The following FAM135B variants were observed in gnomAD, a reference collection of about 807,000 sequenced individuals.
The protein encoded by FAM135B is protein FAM135B.
A neutral mutation model predicts 127.7 loss-of-function variants in FAM135B; 43 were observed. The ratio of observed to expected loss-of-function variants is 0.34; its 90% CI spans 0.26 to 0.43. The LOEUF (loss-of-function observed/expected upper bound fraction) is 0.43. Ranked by LOEUF, FAM135B falls within the 20% of genes least tolerant of loss-of-function variation. The probability of loss-of-function intolerance (pLI) is 1.00; values close to 1 mark genes in which losing one functional copy is unlikely to be tolerated. For synonymous variants in FAM135B, 670 were observed against 665.1 expected (o/e 1.01, Z -0.11); for missense variants, 1,558 against 1,725.6 (o/e 0.90, Z 1.72).
At chr8:138,313,916 C>T (rs911399096) in intron 2 of FAM135B, among the ~76,000 whole-genome samples, 5 of 151,280 alleles carry the variant, frequency 3.3e-5, no homozygotes, top group African/African-American at 4.9e-5. Context: ...TTCTGACACT[C>T]GGGTGCCCAA....
At chr8:138,185,228 A>G (rs1276217382) in intron 9 of FAM135B, among the ~76,000 whole-genome samples, 1 of 152,236 alleles carries the variant, frequency 6.6e-6, no homozygotes. Flanking sequence ...CATGGAGCAC[A>G]CATGTAACAT....
chr8:138,239,314 T>C (rs1163832416), intron 7 of FAM135B, among the ~76,000 whole-genome samples: 1 of 152,258 alleles, frequency 6.6e-6, no homozygotes, highest in Middle Eastern at 3.2e-3. Flanking sequence ...TGGCCAGTGA[T>C]GATGAGCATT....
intron 12 of FAM135B, among the ~76,000 whole-genome samples, chr8:138,153,898 C>A (rs1818432007): frequency 6.6e-6 from 1 of 152,200 alleles, no homozygotes; most frequent in Admixed American, 6.5e-5. Context: ...GAAACTTCTG[C>A]AGACTAAAAC....
At chr8:138,278,410 C>T (rs532942658) in intron 3 of FAM135B, among the ~76,000 whole-genome samples, 2 of 151,974 alleles carry the variant, frequency 1.3e-5, no homozygotes, top group South Asian at 4.2e-4. Context: ...ACACCTATGC[C>T]TACATCCTCA....
At chr8:138,348,189 C>T (rs944111116) in intron 2 of FAM135B, among the ~76,000 whole-genome samples, 4 of 120,194 alleles carry the variant, frequency 3.3e-5, no homozygotes, top group African/African-American at 1.3e-4. Flanking sequence ...GGCTGGAGTG[C>T]AATGGCTCCA....
intron 7 of FAM135B, among the ~76,000 whole-genome samples, chr8:138,232,131 C>T (rs939556576): frequency 6.6e-6 from 1 of 152,252 alleles, no homozygotes; most frequent in Admixed American, 6.5e-5. Flanking sequence ...TTTCCTTACT[C>T]CAAGGCCACT....
Position 138,218,798 on chromosome 8 carries a change from GAGAGAGGGAGAGAA to G in FAM135B, c.670-21143_670-21130del, listed in dbSNP as rs1399208175. Among the ~76,000 whole-genome samples the G allele has an allele frequency of 4.8e-4, 10 of 20,892 alleles. No individual in the cohort carries two copies. The East Asian group carries it at 5.2e-3, about 11-fold the overall frequency. The allele number at this position is 20,892 out of a possible 152,430, so 13.7% of individuals were successfully genotyped here. ...AGAGAGAGAGAGAGAGAGAGAGAGA[GAGAGAGGGAGAGAA>G]AGAGAGAGAGAGAGATTTATGAATA... On this transcript the variant is annotated intron_variant, in intron 7 of 19. Coordinates refer to ENST00000395297, the MANE Select transcript of FAM135B (RefSeq NM_015912.4).
intron 3 of FAM135B, among the ~76,000 whole-genome samples, chr8:138,299,512 T>C (rs1291791861): frequency 6.6e-6 from 1 of 152,176 alleles, no homozygotes; most frequent in Admixed American, 6.5e-5. Flanking sequence ...GCAGGCTACC[T>C]GGAGTCTGCA....
At chr8:138,199,093 C>T (rs1446836048) in intron 7 of FAM135B, among the ~76,000 whole-genome samples, 1 of 152,002 alleles carries the variant, frequency 6.6e-6, no homozygotes, top group African/African-American at 2.4e-5. Context: ...GGTCTCCTTT[C>T]TCCTAGCTGC....
intron 1 of FAM135B, among the ~76,000 whole-genome samples, chr8:138,378,747 A>C (rs1831649372): frequency 6.6e-6 from 1 of 150,910 alleles, no homozygotes; most frequent in African/African-American, 2.4e-5. Flanking sequence ...TTTTTTTTTC[A>C]CATCTGAAGA....
In FAM135B at chr8:138,149,549, C is replaced by T. The variant is rs146101910; in HGVS notation, c.3282-863G>A. 5.1e-3 allele frequency among the ~76,000 whole-genome samples: 776 copies of T among 152,266 alleles called. 3 individuals are homozygous for T. The highest frequency in any genetic ancestry group is 0.018 in the African/African-American group (732 of 41,562). On this transcript the variant is annotated intron_variant, in intron 13 of 19. Coordinates refer to ENST00000395297, the MANE Select transcript of FAM135B (RefSeq NM_015912.4). ...TGATGCTCTTTGTCTGGTTACCTGG[C>T]AAGATGATGGTTAGGGGACTGGACT... is the stretch of plus-strand genomic sequence containing the variant.
At chr8:138,344,422 T>C (rs10086434) in intron 2 of FAM135B, among the ~76,000 whole-genome samples, 151,125 of 152,228 alleles carry the variant, frequency 0.99, 75,023 homozygotes, top group Non-Finnish European at 1. Context: ...ACCTCGGGGT[T>C]GCACGACTGC....
At chr8:138,440,164 CTCAGT>C (rs998016228) in intron 1 of FAM135B, 2 of 152,172 alleles carry the variant, frequency 1.3e-5, no homozygotes, top group Non-Finnish European at 2.9e-5. Flanking sequence ...GTTGACTCAT[CTCAGT>C]TAAGACTTAA....
At chr8:138,214,673 C>T (rs1818411015) in intron 7 of FAM135B, among the ~76,000 whole-genome samples, 1 of 151,998 alleles carries the variant, frequency 6.6e-6, no homozygotes, top group South Asian at 2.1e-4. Context: ...GTGAAAATTC[C>T]AGGCACCTAG....
Position 138,243,145 on chromosome 8 carries a change from A to G in FAM135B, c.543-77T>C. On this transcript the variant is annotated intron_variant, in intron 6 of 19. Transcript: ENST00000395297. The surrounding 1 kb of genome is among the most constrained non-coding windows in gnomAD (Gnocchi z 7.5). ...TGCCATTAACTCAGCCCCTTTGAGG[A>G]GTGTTCCTGTGAAGCATTTGGGATA... 1 of 1,510,336 alleles carries G rather than the reference A, an allele frequency of 6.6e-7. No homozygotes were observed. Among genetic ancestry groups the G allele is most frequent in the Non-Finnish European group, 8.9e-7 (1 of 1,127,500 alleles). 93.6% of individuals were successfully genotyped at this position (1,510,336 alleles called of 1,614,324 possible). A position where few individuals can be genotyped will look rare whatever the true frequency, so the allele number is the denominator to read the frequency against.
At chr8:138,479,960 G>C (rs1814710240) in intron 1 of FAM135B, among the ~76,000 whole-genome samples, 1 of 152,026 alleles carries the variant, frequency 6.6e-6, no homozygotes, top group African/African-American at 2.4e-5. Flanking sequence ...CATCAGGGAG[G>C]CTCAATTCCT....
intron 1 of FAM135B, among the ~76,000 whole-genome samples, chr8:138,478,260 C>A (rs1814607839): frequency 6.6e-6 from 1 of 152,132 alleles, no homozygotes; most frequent in South Asian, 2.1e-4. Flanking sequence ...AATGTGTTAA[C>A]AAGCGCCCCT....
chr8:138,295,885 A>T (rs1825445263), intron 3 of FAM135B, among the ~76,000 whole-genome samples: 1 of 152,196 alleles, frequency 6.6e-6, no homozygotes, highest in Non-Finnish European at 1.5e-5. Flanking sequence ...TAGGAAATAA[A>T]TAAAAAAATT....
At chr8:138,279,655 G>A (rs1036171108) in intron 3 of FAM135B, among the ~76,000 whole-genome samples, 2 of 152,114 alleles carry the variant, frequency 1.3e-5, no homozygotes, top group African/African-American at 2.4e-5. Context: ...GATGCCCATC[G>A]TTATTATTAA....
Sources: gnomAD v4.1 joint callset for allele counts (sites outside exome capture counted in the v4.1 genomes callset) on GRCh38, gnomAD v4.1.1 for gene constraint, Gnocchi (gnomAD v3.1) non-coding constraint, MANE v1.5 for transcripts, NCBI Gene and HGNC (gene_info 2026-07-23, HGNC 2026-07-21) for gene names.